Variants in CCSER1 observed in about 807,000 individuals in gnomAD.
The protein encoded by CCSER1 is coiled-coil serine rich protein 1.
In CCSER1, 41 loss-of-function variants were observed where a neutral mutation model predicts 82.0. The observed-to-expected ratio is 0.50, with a 90% CI of 0.39 to 0.65. CCSER1 has a LOEUF of 0.65. Ranked by LOEUF, CCSER1 falls within the 30% of genes least tolerant of loss-of-function variation. The probability of loss-of-function intolerance (pLI) is 0.00; values close to 1 mark genes in which losing one functional copy is unlikely to be tolerated. For missense variants in CCSER1, 1,119 were observed against 1,064.2 expected, an observed-to-expected ratio of 1.05 and a Z score of -0.72; for synonymous variants, 414 against 383.9, an observed-to-expected ratio of 1.08 and a Z score of -0.92.
At position 90,780,441 on chromosome 4, in the gene CCSER1, G is replaced by A. The variant is rs1469229945; in HGVS notation, c.2011-35321G>A. ...GTTATTTATTTTTATTGTTTTTACA[G>A]ACCACATACCCTAGGGAATTCTGAA... On this transcript the variant is annotated intron_variant, in intron 7 of 10. Coordinates refer to ENST00000509176, the MANE Select transcript of CCSER1 (RefSeq NM_001145065.2). 6.2e-7 allele frequency: 1 copy of A among 1,611,186 alleles called. No individual in the cohort carries two copies. Among genetic ancestry groups the A allele is most frequent in the Non-Finnish European group, 8.5e-7 (1 of 1,178,524 alleles).
chr4:90,233,712 G>A (rs1035551688), intron 1 of CCSER1, among the ~76,000 whole-genome samples: 6 of 149,340 alleles, frequency 4.0e-5, no homozygotes, highest in Admixed American at 3.3e-4. Flanking sequence ...GCAGTGAAGT[G>A]GCCATAAAAA....
intron 5 of CCSER1, among the ~76,000 whole-genome samples, chr4:90,483,235 C>T (rs910454464): frequency 2.6e-5 from 4 of 152,180 alleles, no homozygotes; most frequent in Non-Finnish European, 2.9e-5. Flanking sequence ...GCAGATCTTC[C>T]TCCATCCCTT....
At chr4:91,438,884 A>G (rs978761225) in intron 10 of CCSER1, among the ~76,000 whole-genome samples, 4 of 152,214 alleles carry the variant, frequency 2.6e-5, no homozygotes, top group African/African-American at 9.6e-5. Context: ...GGTATCAGTG[A>G]TGGAAGATGA....
At chr4:90,482,643 C>A (rs1290507209) in intron 5 of CCSER1, among the ~76,000 whole-genome samples, 1 of 152,178 alleles carries the variant, frequency 6.6e-6, no homozygotes, top group Non-Finnish European at 1.5e-5. Flanking sequence ...AGTAGTCATT[C>A]AGGAGCAGGT....
At chr4:90,528,429 A>C (rs1336865004) in intron 5 of CCSER1, among the ~76,000 whole-genome samples, 1 of 152,224 alleles carries the variant, frequency 6.6e-6, no homozygotes, top group African/African-American at 2.4e-5. Context: ...TATGATCCAG[A>C]AACACAGCTA....
intron 10 of CCSER1, among the ~76,000 whole-genome samples, chr4:91,284,720 T>TG (rs1743147084): frequency 1.3e-5 from 2 of 152,136 alleles, no homozygotes; most frequent in African/African-American, 4.8e-5. Flanking sequence ...GACACCCATG[T>TG]GACTCTAATT....
At chr4:90,945,957 G>A (rs1732187770) in intron 9 of CCSER1, among the ~76,000 whole-genome samples, 1 of 152,148 alleles carries the variant, frequency 6.6e-6, no homozygotes, top group Non-Finnish European at 1.5e-5. Flanking sequence ...ATATAGAGGA[G>A]TTAAGTAACT....
At chr4:90,966,135 G>A (rs745491669) in intron 9 of CCSER1, among the ~76,000 whole-genome samples, 5 of 151,868 alleles carry the variant, frequency 3.3e-5, no homozygotes, top group Non-Finnish European at 5.9e-5. Flanking sequence ...GCTGTGAAGT[G>A]TATCAACATA....
chr4:90,998,514 A>T (rs542923549), intron 9 of CCSER1, among the ~76,000 whole-genome samples: 2 of 152,320 alleles, frequency 1.3e-5, no homozygotes, highest in Admixed American at 1.3e-4. Context: ...CGTTTTTAAT[A>T]TTCTATACTT....
intron 4 of CCSER1, 131 bp from the exon 5 acceptor site, chr4:90,468,103 A>G (rs907695402): frequency 1.2e-6 from 1 of 810,606 alleles, no homozygotes; most frequent in Non-Finnish European, 1.8e-6. Flanking sequence ...ATATTTAAGG[A>G]TAATTTAATA....
At chr4:91,032,135 A>G (rs1341930770) in intron 9 of CCSER1, among the ~76,000 whole-genome samples, 2 of 152,126 alleles carry the variant, frequency 1.3e-5, no homozygotes, top group Non-Finnish European at 2.9e-5. Flanking sequence ...ATAACTTTAC[A>G]TATTGTTTTA....
At chr4:91,557,207 A>C (rs1159718045) in intron 10 of CCSER1, among the ~76,000 whole-genome samples, 1 of 151,312 alleles carries the variant, frequency 6.6e-6, no homozygotes, top group Non-Finnish European at 1.5e-5. Flanking sequence ...TGTCCTTAGG[A>C]GCTCTTGGTA....
At chr4:90,372,997 A>G (rs1174027152) in intron 3 of CCSER1, among the ~76,000 whole-genome samples, 2 of 148,050 alleles carry the variant, frequency 1.4e-5, no homozygotes, top group Non-Finnish European at 3.0e-5. Flanking sequence ...TAAGGACCCC[A>G]ACTTTATTAA....
rs527478980 is a variant in CCSER1, at chr4:90,639,157, A to G, written c.1932+10925A>G. Among the ~76,000 whole-genome samples, 6 of 151,896 alleles carry G rather than the reference A, an allele frequency of 4.0e-5. No homozygotes were observed. In the East Asian group the frequency reaches 1.2e-3, roughly 29 times the overall value. On this transcript the variant is annotated intron_variant, in intron 6 of 10. Coordinates refer to ENST00000509176, the MANE Select transcript of CCSER1 (RefSeq NM_001145065.2). ...TTTGAGATTTCTTAAACACTTAAAA[A>G]TATAACAATTAAAAAAGCATATATA...
chr4:90,214,665 C>T (rs1008344088), intron 1 of CCSER1, among the ~76,000 whole-genome samples: 5 of 152,086 alleles, frequency 3.3e-5, no homozygotes, highest in African/African-American at 1.2e-4. Flanking sequence ...AAGGCACAAT[C>T]AGAGTTTCTG....
intron 9 of CCSER1, among the ~76,000 whole-genome samples, chr4:90,969,885 A>G (rs774607156): frequency 3.3e-5 from 5 of 151,702 alleles, no homozygotes; most frequent in Non-Finnish European, 5.9e-5. Context: ...GTTGAAAGTT[A>G]TACAATATAA....
At chr4:90,946,521 T>A (rs1304350808) in intron 9 of CCSER1, among the ~76,000 whole-genome samples, 1 of 151,674 alleles carries the variant, frequency 6.6e-6, no homozygotes, top group East Asian at 1.9e-4. Context: ...ATCCCAACTA[T>A]TCTGGAGGCG....
Position 90,127,612 on chromosome 4 carries a change from T to C in CCSER1, c.-261T>C, listed in dbSNP as rs1180061223. ...CTCAACATGACTGACTGGGAAGCGG[T>C]GGCTCGGGCAGAGCAGCTCCGCTGG... On this transcript the variant is annotated 5_prime_UTR_variant, in exon 1 of 11. Transcript: ENST00000509176. 2 of 152,718 alleles carry C rather than the reference T, an allele frequency of 1.3e-5. No homozygotes were observed. The highest frequency in any genetic ancestry group is 3.9e-4 in the East Asian group (2 of 5,190). 9.5% of individuals were successfully genotyped at this position (152,718 alleles called of 1,614,324 possible).
intron 7 of CCSER1, among the ~76,000 whole-genome samples, chr4:90,770,027 G>T (rs538303739): frequency 2.6e-5 from 4 of 152,234 alleles, no homozygotes; most frequent in South Asian, 2.1e-4. Context: ...TTTTGAAGAG[G>T]CTGTGGGGCC....
Sources: allele counts gnomAD v4.1 joint callset (sites outside exome capture counted in the v4.1 genomes callset), GRCh38; gene constraint gnomAD v4.1.1; transcripts MANE v1.5; gene names NCBI Gene and HGNC (gene_info 2026-07-23, HGNC 2026-07-21).